Variants in CTNNA2 observed in about 807,000 individuals in gnomAD.
CTNNA2 encodes catenin alpha 2.
Under a neutral mutation model 101.0 loss-of-function variants are expected in CTNNA2, and 42 were observed. The ratio of observed to expected loss-of-function variants is 0.42; its 90% CI spans 0.32 to 0.54. The LOEUF is 0.54. Ranked by LOEUF, CTNNA2 falls within the 20% of genes least tolerant of loss-of-function variation. CTNNA2 has a pLI of 0.14. For missense variants in CTNNA2, 871 were observed against 1,223.1 expected (o/e 0.71, Z 4.29); for synonymous variants, 450 against 456.4 (o/e 0.99, Z 0.18).
chr2:80,638,463 A>G (rs1673101473), intron 18 of CTNNA2, among the ~76,000 whole-genome samples: 1 of 152,152 alleles, frequency 6.6e-6, no homozygotes, highest in Admixed American at 6.5e-5. Context: ...GAGGGTGCTG[A>G]AAGGAAGGCA....
chr2:79,920,689 T>C (rs959892405), intron 7 of CTNNA2, among the ~76,000 whole-genome samples: 1 of 152,228 alleles, frequency 6.6e-6, no homozygotes, highest in African/African-American at 2.4e-5. Context: ...GCTTGGCTTC[T>C]TCATGACTCA....
intron 6 of CTNNA2, among the ~76,000 whole-genome samples, chr2:79,874,584 G>A (rs1682859507): frequency 6.6e-6 from 1 of 152,144 alleles, no homozygotes; most frequent in South Asian, 2.1e-4. Context: ...ACTTTGGGAG[G>A]CCGAGGTGGG....
chr2:80,295,029 TTTTTC>T (rs1275766096), intron 7 of CTNNA2, among the ~76,000 whole-genome samples: 1 of 152,032 alleles, frequency 6.6e-6, no homozygotes, highest in Non-Finnish European at 1.5e-5. Context: ...CTCTTTTTCT[TTTTTC>T]TTTCTGTTTT....
chr2:80,215,912 A>T (rs981168281), intron 7 of CTNNA2, among the ~76,000 whole-genome samples: 1 of 152,162 alleles, frequency 6.6e-6, no homozygotes, highest in African/African-American at 2.4e-5. Flanking sequence ...GGCTCCACCC[A>T]ATTCGAGCTT....
At chr2:80,281,253 G>C (rs11898728) in intron 7 of CTNNA2, among the ~76,000 whole-genome samples, 42,355 of 151,994 alleles carry the variant, frequency 0.28, 10,899 homozygotes, top group African/African-American at 0.69. Context: ...GGGTTATGAG[G>C]TCATTGGAAA....
At chr2:79,612,108 A>G (rs1313211804) in intron 1 of CTNNA2, among the ~76,000 whole-genome samples, 1 of 152,140 alleles carries the variant, frequency 6.6e-6, no homozygotes, top group African/African-American at 2.4e-5. Context: ...GAGCTTAGCA[A>G]CTGTTTGATT....
chr2:79,279,512 T>C (rs567916602), intron 2 of CTNNA2, among the ~76,000 whole-genome samples: 2 of 152,230 alleles, frequency 1.3e-5, no homozygotes, highest in Non-Finnish European at 1.5e-5. Context: ...AGGCACAGGA[T>C]GTAACAAATG....
intron 9 of CTNNA2, among the ~76,000 whole-genome samples, chr2:80,445,225 G>A (rs184444755): frequency 3.3e-5 from 5 of 151,472 alleles, no homozygotes; most frequent in East Asian, 2.0e-4. Flanking sequence ...CCTGTCATCC[G>A]GGCTGGAGTG....
chr2:80,171,676 G>A (rs1237048096), intron 7 of CTNNA2, among the ~76,000 whole-genome samples: 8 of 152,116 alleles, frequency 5.3e-5, no homozygotes, highest in African/African-American at 1.9e-4. Context: ...ATGAAAAAAA[G>A]CGATGCCCAG....
intron 7 of CTNNA2, among the ~76,000 whole-genome samples, chr2:80,291,907 A>T (rs1008959312): frequency 6.6e-6 from 1 of 152,240 alleles, no homozygotes; most frequent in African/African-American, 2.4e-5. Flanking sequence ...GAACCAGAAC[A>T]AAGTCAGTGA....
chr2:79,863,603 T>C (rs1412130336), intron 4 of CTNNA2, among the ~76,000 whole-genome samples: 1 of 152,200 alleles, frequency 6.6e-6, no homozygotes, highest in African/African-American at 2.4e-5. Flanking sequence ...TAAATAATTC[T>C]TAACACTAAT....
chr2:79,751,892 A>T (rs115690233), intron 3 of CTNNA2, among the ~76,000 whole-genome samples: 2,136 of 152,288 alleles, frequency 0.014, 51 homozygotes, highest in African/African-American at 0.049. Context: ...AGGGTCCAGG[A>T]TTGAGGAGGT....
At chr2:79,717,163 G>A (rs1006821928) in intron 2 of CTNNA2, among the ~76,000 whole-genome samples, 5 of 152,268 alleles carry the variant, frequency 3.3e-5, no homozygotes, top group Admixed American at 1.3e-4. Flanking sequence ...TTTGGTGTAA[G>A]ACTTTTGGCA....
intron 1 of CTNNA2, among the ~76,000 whole-genome samples, chr2:79,519,962 A>G (rs146228233): frequency 6.6e-6 from 1 of 152,368 alleles, no homozygotes; most frequent in African/African-American, 2.4e-5. Context: ...AGTAATGTTT[A>G]TTTAAGAAAT....
intron 11 of CTNNA2, among the ~76,000 whole-genome samples, chr2:80,552,764 G>A (rs1305456108): frequency 2.0e-5 from 3 of 152,146 alleles, no homozygotes; most frequent in African/African-American, 7.2e-5. Context: ...GAATACAATA[G>A]TAAGTTTTGT....
intron 2 of CTNNA2, among the ~76,000 whole-genome samples, chr2:79,675,089 A>G (rs994654505): frequency 6.6e-6 from 1 of 152,156 alleles, no homozygotes; most frequent in African/African-American, 2.4e-5. Flanking sequence ...TATCTTTTTG[A>G]TCAGCTGAAA....
intron 3 of CTNNA2, among the ~76,000 whole-genome samples, chr2:79,806,773 T>C (rs1210341960): frequency 6.6e-6 from 1 of 152,038 alleles, no homozygotes. Context: ...GCTTGAAAGT[T>C]ATAGCATCTC....
At chr2:79,227,402 C>T (rs544829000) in intron 2 of CTNNA2, among the ~76,000 whole-genome samples, 14 of 152,136 alleles carry the variant, frequency 9.2e-5, no homozygotes, top group Non-Finnish European at 1.3e-4. Context: ...TATGCAATGG[C>T]GATATTCATT....
intron 7 of CTNNA2, among the ~76,000 whole-genome samples, chr2:80,357,229 ATT>A (rs199637514): frequency 3.8e-5 from 5 of 130,210 alleles, no homozygotes; most frequent in African/African-American, 1.4e-4. Flanking sequence ...TCAAAATAGC[ATT>A]TTTTTTTTGT....
Sources: gnomAD v4.1 joint callset for allele counts (sites outside exome capture counted in the v4.1 genomes callset) on GRCh38, gnomAD v4.1.1 for gene constraint, MANE v1.5 for transcripts, NCBI Gene and HGNC (gene_info 2026-07-23, HGNC 2026-07-21) for gene names.